The following SYNE1 variants were observed in gnomAD, a reference collection of about 807,000 sequenced individuals.
SYNE1 encodes nesprin-1.
SYNE1 carries 616 observed loss-of-function variants against 1,111.0 expected under a neutral mutation model. The observed-to-expected ratio is 0.55, with a 90% CI of 0.52 to 0.59. The LOEUF is 0.59. Ranked by LOEUF, SYNE1 falls within the 20% of genes least tolerant of loss-of-function variation. SYNE1 has a pLI of 0.00. For synonymous variants in SYNE1, 3,855 were observed against 3,825.8 expected, an observed-to-expected ratio of 1.01 and a Z score of -0.28; for missense variants, 10,006 against 10,417.0, an observed-to-expected ratio of 0.96 and a Z score of 1.72.
intron 25 of SYNE1, among the ~76,000 whole-genome samples, chr6:152,452,773 A>G (rs2098661734): frequency 6.6e-6 from 1 of 152,318 alleles, no homozygotes; most frequent in African/African-American, 2.4e-5. Flanking sequence ...GTCAGCCTCC[A>G]TGGGACAGAC....
intron 39 of SYNE1, among the ~76,000 whole-genome samples, chr6:152,420,457 T>G (rs1286824142): frequency 6.6e-6 from 1 of 152,082 alleles, no homozygotes; most frequent in Non-Finnish European, 1.5e-5. Context: ...CCATTTCTAC[T>G]AAAAATACAA....
chr6:152,555,736 G>T (rs79048120), intron 3 of SYNE1, among the ~76,000 whole-genome samples: 4,485 of 151,906 alleles, frequency 0.03, 213 homozygotes, highest in African/African-American at 0.1. Flanking sequence ...ATAACATGTT[G>T]GTATTTTTAC....
intron 137 of SYNE1, chr6:152,144,077 G>A (rs997541650): frequency 2.5e-5 from 10 of 404,420 alleles, no homozygotes; most frequent in African/African-American, 1.8e-4. Flanking sequence ...TGTTGTCAGT[G>A]TGGAAGGCCT....
intron 112 of SYNE1, 111 bp from the exon 113 acceptor site, chr6:152,232,376 C>T (rs2082974611): frequency 1.9e-5 from 23 of 1,181,364 alleles, no homozygotes; most frequent in Non-Finnish European, 2.9e-5. Flanking sequence ...AGAGATAACA[C>T]TCCTTAATGA....
intron 39 of SYNE1, among the ~76,000 whole-genome samples, chr6:152,421,366 C>G (rs2154189180): frequency 6.6e-6 from 1 of 152,222 alleles, no homozygotes; most frequent in East Asian, 1.9e-4. Flanking sequence ...TTTTAAAAAG[C>G]CTGTATGGCC....
chr6:152,628,448 A>G lies in SYNE1; in HGVS notation c.-117T>C, dbSNP rs907667762. On this transcript the variant is annotated 5_prime_UTR_variant, in exon 3 of 146. Coordinates refer to ENST00000367255, the MANE Select transcript of SYNE1 (RefSeq NM_182961.4). ...TCTAGATCTATTCTGTCATAAATGA[A>G]TTCCAGGCCTTTGCAGCACTCAACA... The G allele has an allele frequency of 9.7e-7, 1 of 1,035,700 alleles. No homozygotes were observed. Among genetic ancestry groups the G allele is most frequent in the Admixed American group, 1.8e-5 (1 of 56,100 alleles). The allele number at this position is 1,035,700 out of a possible 1,614,324, so 64.2% of individuals were successfully genotyped here.
chr6:152,145,533 A>C lies in SYNE1; in HGVS notation c.24977-1768T>G, dbSNP rs770649913. 258 of 1,614,056 alleles carry C rather than the reference A, an allele frequency of 1.6e-4. No individual in the cohort carries two copies. Among genetic ancestry groups the C allele is most frequent in the Non-Finnish European group, 2.1e-4 (242 of 1,179,972 alleles). On this transcript the variant is annotated intron_variant, in intron 137 of 145. Coordinates refer to ENST00000367255, the MANE Select transcript of SYNE1 (RefSeq NM_182961.4). ...TTTCTGTGAGTTTTACATAGGCCTC[A>C]GGGCTTTCGGGGATCATTACATCTG...
chr6:152,580,801 G>T (rs762802137), intron 3 of SYNE1, among the ~76,000 whole-genome samples: 1 of 152,114 alleles, frequency 6.6e-6, no homozygotes, highest in East Asian at 1.9e-4. Context: ...TTCCTACTGA[G>T]CCCTATCCAA....
At chr6:152,314,543 T>C (rs1363442041) in intron 87 of SYNE1, among the ~76,000 whole-genome samples, 1 of 152,114 alleles carries the variant, frequency 6.6e-6, no homozygotes, top group Non-Finnish European at 1.5e-5. Context: ...AATCACACTA[T>C]ATTGTACTGT....
At chr6:152,629,779 A>G (rs1025153154) in intron 2 of SYNE1, among the ~76,000 whole-genome samples, 18 of 152,144 alleles carry the variant, frequency 1.2e-4, no homozygotes, top group Middle Eastern at 3.4e-3. Context: ...TACAGTTCCC[A>G]TTGCATTTCT....
intron 3 of SYNE1, among the ~76,000 whole-genome samples, chr6:152,549,561 A>C (rs1468740312): frequency 3.3e-5 from 5 of 152,158 alleles, no homozygotes; most frequent in African/African-American, 1.2e-4. Context: ...TCCTGTTTTA[A>C]TCAGACAAGT....
intron 59 of SYNE1, among the ~76,000 whole-genome samples, chr6:152,371,915 AAGGAAAGGACAGGACAGGAC>A (rs1427687952): frequency 0.019 from 960 of 49,458 alleles, 81 homozygotes; most frequent in African/African-American, 0.053. Context: ...AAGGAAAGGA[AAGGAAAGGACAGGACAGGAC>A]AGGAAAGGAA....
At chr6:152,317,490 A>G (rs2153896866) in intron 86 of SYNE1, among the ~76,000 whole-genome samples, 1 of 152,236 alleles carries the variant, frequency 6.6e-6, no homozygotes, top group East Asian at 1.9e-4. Context: ...TACTAGGATT[A>G]TAGGTATGAG....
intron 11 of SYNE1, among the ~76,000 whole-genome samples, chr6:152,494,653 T>A (rs1422490454): frequency 6.6e-6 from 1 of 152,276 alleles, no homozygotes; most frequent in African/African-American, 2.4e-5. Flanking sequence ...ACCCTAAATA[T>A]GCCTTCCATA....
In SYNE1 at chr6:152,595,015, C is replaced by T. The variant is rs192412500; in HGVS notation, c.67+33250G>A. On this transcript the variant is annotated intron_variant, in intron 3 of 145. Transcript: ENST00000367255. Reference sequence around the variant, plus strand: ...CTAGTTTACACCCTCATTCTTAAAACTCCAATAGCCTGGATGCCCAGCCAT... The same window carrying T: ...CTAGTTTACACCCTCATTCTTAAAATTCCAATAGCCTGGATGCCCAGCCAT... Among the ~76,000 whole-genome samples, 281 of 152,322 alleles carry T rather than the reference C, an allele frequency of 1.8e-3. 2 individuals carry two copies. The highest frequency in any genetic ancestry group is 6.2e-3 in the African/African-American group (259 of 41,562).
Position 152,391,540 on chromosome 6 carries a change from C to T in SYNE1, c.7741G>A (p.Gly2581Arg). 2 of 1,561,694 alleles carry T rather than the reference C, an allele frequency of 1.3e-6. No individual in the cohort carries two copies. The highest frequency in any genetic ancestry group is 2.5e-5 in the East Asian group (1 of 39,530). ...RESLDKLSQR[G>R]QLLSEEGHGA... ...TGGCCTTCTTCACTCAGAAGCTGCCCTCTCTGGGAAAGCTTATCAAGAGAC... is the reference window on the plus strand; with the variant it reads ...TGGCCTTCTTCACTCAGAAGCTGCCTTCTCTGGGAAAGCTTATCAAGAGAC... The change falls in exon 52 of 146, where the codon GGG becomes AGG. Residue 2581 changes from glycine to arginine, a missense_variant. This residue lies in a region of SYNE1 where 4,955 missense variants were observed against 5,017.2 expected (regional missense o/e 0.99). Transcript: ENST00000367255.
chr6:152,231,980 G>T, intron 113 of SYNE1, 136 bp downstream of exon 113: 2 of 619,746 alleles, frequency 3.2e-6, no homozygotes, highest in African/African-American at 1.9e-5. Flanking sequence ...CATTTTTCTT[G>T]CTATTGAATT....
intron 125 of SYNE1, among the ~76,000 whole-genome samples, chr6:152,207,559 T>G (rs2076745385): frequency 6.6e-6 from 1 of 152,146 alleles, no homozygotes; most frequent in African/African-American, 2.4e-5. Context: ...AGCCTGAAGG[T>G]AAGGGGCAAC....
Position 152,302,024 on chromosome 6 carries a change from C to A in SYNE1, c.17386G>T (p.Ala5796Ser). The A allele has an allele frequency of 6.2e-7, 1 of 1,614,242 alleles. No individual in the cohort carries two copies. Among genetic ancestry groups the A allele is most frequent in the Non-Finnish European group, 8.5e-7 (1 of 1,180,036 alleles). ...QKIKGYQEQI[A>S]SLNSKCKMLT... Reference sequence around the variant, plus strand: ...ATCTTGCACTTGGAATTCAAAGAAGCGATCTGCTCCTGGTAGCCCTTAATT... The same window carrying A: ...ATCTTGCACTTGGAATTCAAAGAAGAGATCTGCTCCTGGTAGCCCTTAATT... Residue 5796 changes from alanine (A) to serine (S), a missense_variant, in exon 92 of 146, where the codon GCT becomes TCT. This residue lies in a region of SYNE1 where 4,955 missense variants were observed against 5,017.2 expected (regional missense o/e 0.99). Transcript: ENST00000367255.
Sources: allele counts gnomAD v4.1 joint callset (sites outside exome capture counted in the v4.1 genomes callset), GRCh38; gene constraint gnomAD v4.1.1; regional missense constraint gnomAD v4.1.1; transcripts MANE v1.5; gene names NCBI Gene and HGNC (gene_info 2026-07-23, HGNC 2026-07-21).